DLGAP2: variants seen among roughly 807,000 people sequenced by gnomAD.
DLGAP2 encodes disks large-associated protein 2.
Under a neutral mutation model 100.3 loss-of-function variants are expected in DLGAP2, and 26 were observed. That is an observed-to-expected ratio of 0.26 (90% CI 0.19 to 0.36). DLGAP2 has a LOEUF of 0.36. Ranked by LOEUF, DLGAP2 falls within the 10% of genes least tolerant of loss-of-function variation. The pLI, the probability that DLGAP2 is intolerant of heterozygous loss-of-function variation, is 1.00. For missense variants in DLGAP2, 1,858 were observed against 1,453.2 expected, an observed-to-expected ratio of 1.28 and a Z score of -4.53; for synonymous variants, 886 against 630.1, an observed-to-expected ratio of 1.41 and a Z score of -6.08.
intron 1 of DLGAP2, among the ~76,000 whole-genome samples, chr8:746,675 T>C (rs1417877075): frequency 1.3e-5 from 2 of 152,274 alleles, no homozygotes; most frequent in Non-Finnish European, 1.5e-5. Context: ...TTTGATTTTC[T>C]GTTTTTGTTT....
Position 1,549,214 on chromosome 8 carries a change from C to G in DLGAP2, c.761C>G (p.Ala254Gly). The change falls in exon 5 of 15, where the codon GCC becomes GGC. Residue 254 changes from alanine to glycine, a missense_variant. Physicochemically the swap from Ala to Gly is moderately conservative, Grantham distance 60. Coordinates refer to ENST00000637795, the MANE Select transcript of DLGAP2 (RefSeq NM_001346810.2). The stretch of plus-strand genomic sequence containing the variant: ...CTGGAGGGCTCCTCCAAAAGCAACG[C>G]CAACGGCACCAAGGCGGACGGCCGG... ...HSLEGSSKSN[A>G]NGTKADGRAD... is the part of the protein sequence containing the mutation. The G allele has an allele frequency of 6.2e-7, 1 of 1,602,960 alleles. No homozygotes were observed. Among genetic ancestry groups the G allele is most frequent in the Non-Finnish European group, 8.5e-7 (1 of 1,175,588 alleles).
intron 2 of DLGAP2, among the ~76,000 whole-genome samples, chr8:1,191,422 A>T (rs191733949): frequency 6.6e-6 from 1 of 152,142 alleles, no homozygotes; most frequent in Admixed American, 6.5e-5. Flanking sequence ...TGCCCGCCTC[A>T]GCCTCCCAAA....
At chr8:1,299,335 C>T (rs1215685482) in intron 3 of DLGAP2, among the ~76,000 whole-genome samples, 1 of 152,230 alleles carries the variant, frequency 6.6e-6, no homozygotes, top group Non-Finnish European at 1.5e-5. Flanking sequence ...GTGGTGTCTC[C>T]ACCATACAAG....
At chr8:799,894 G>A (rs192317406) in intron 1 of DLGAP2, among the ~76,000 whole-genome samples, 1 of 152,278 alleles carries the variant, frequency 6.6e-6, no homozygotes, top group East Asian at 1.9e-4. Context: ...ACAGCTCCCG[G>A]CCCCTCACTT....
chr8:1,648,677 C>T (rs1585031275), intron 8 of DLGAP2, among the ~76,000 whole-genome samples: 1 of 152,230 alleles, frequency 6.6e-6, no homozygotes, highest in East Asian at 1.9e-4. Context: ...TGCAGCTGCT[C>T]AGAGACCCGC....
intron 6 of DLGAP2, chr8:1,620,586 G>T (rs1376037279): frequency 6.6e-6 from 1 of 152,254 alleles, no homozygotes; most frequent in Non-Finnish European, 1.5e-5. Context: ...CATAGATCTT[G>T]CCTTTGTTGG....
intron 2 of DLGAP2, among the ~76,000 whole-genome samples, chr8:921,399 G>C (rs1798711068): frequency 6.6e-6 from 1 of 151,936 alleles, no homozygotes; most frequent in Admixed American, 6.6e-5. Flanking sequence ...GTGGGGATGT[G>C]CGTCTATGGC....
chr8:781,862 T>C (rs1821696037), intron 1 of DLGAP2, among the ~76,000 whole-genome samples: 1 of 152,176 alleles, frequency 6.6e-6, no homozygotes, highest in Non-Finnish European at 1.5e-5. Flanking sequence ...TTTTTGTTTC[T>C]TTTGTGAAAA....
intron 1 of DLGAP2, among the ~76,000 whole-genome samples, chr8:906,334 C>T (rs183216556): frequency 6.6e-5 from 10 of 152,314 alleles, no homozygotes; most frequent in Admixed American, 4.6e-4. Context: ...CTGATCTCCA[C>T]GTGGGGTGTG....
intron 2 of DLGAP2, among the ~76,000 whole-genome samples, chr8:1,028,507 C>G (rs896837264): frequency 6.6e-6 from 1 of 152,192 alleles, no homozygotes; most frequent in Non-Finnish European, 1.5e-5. Context: ...GCCCGTTATT[C>G]TCCACATGCG....
chr8:905,603 G>A (rs1018581655), intron 1 of DLGAP2, among the ~76,000 whole-genome samples: 2 of 152,158 alleles, frequency 1.3e-5, no homozygotes, highest in African/African-American at 4.8e-5. Context: ...GCCTGTCCCT[G>A]ACCCTAAAGG....
At chr8:928,548 C>T (rs957999908) in intron 2 of DLGAP2, among the ~76,000 whole-genome samples, 1 of 152,010 alleles carries the variant, frequency 6.6e-6, no homozygotes, top group Non-Finnish European at 1.5e-5. Context: ...TACTTGACAC[C>T]TTGCAAAGGC....
At chr8:1,426,375 A>C (rs1797236847) in intron 3 of DLGAP2, among the ~76,000 whole-genome samples, 1 of 152,140 alleles carries the variant, frequency 6.6e-6, no homozygotes, top group East Asian at 1.9e-4. Flanking sequence ...CCACGAGAAC[A>C]TGGCCAAGGA....
intron 3 of DLGAP2, among the ~76,000 whole-genome samples, chr8:1,339,906 T>A (rs1204124823): frequency 6.6e-6 from 1 of 152,208 alleles, no homozygotes; most frequent in African/African-American, 2.4e-5. Context: ...AGACAAAATA[T>A]GTGTATATTG....
At chr8:928,219 T>C (rs1268472524) in intron 2 of DLGAP2, among the ~76,000 whole-genome samples, 2 of 152,112 alleles carry the variant, frequency 1.3e-5, no homozygotes, top group Non-Finnish European at 2.9e-5. Flanking sequence ...ATTTACGAGA[T>C]TTTCCTGGAC....
chr8:766,200 A>T (rs1391892099), intron 1 of DLGAP2, among the ~76,000 whole-genome samples: 1 of 152,144 alleles, frequency 6.6e-6, no homozygotes, highest in African/African-American at 2.4e-5. Context: ...AAACCAATCC[A>T]CACAACTCAC....
intron 4 of DLGAP2, among the ~76,000 whole-genome samples, chr8:1,508,700 C>T (rs997524729): frequency 2.0e-5 from 3 of 149,912 alleles, no homozygotes; most frequent in African/African-American, 7.4e-5. Flanking sequence ...AAATGGAATC[C>T]ACAACTGCTG....
intron 2 of DLGAP2, among the ~76,000 whole-genome samples, chr8:938,982 T>G (rs1179825569): frequency 3.9e-5 from 6 of 152,202 alleles, no homozygotes; most frequent in Non-Finnish European, 8.8e-5. Context: ...TTCAGAAACC[T>G]CTGCAGGCAA....
intron 2 of DLGAP2, among the ~76,000 whole-genome samples, chr8:945,151 T>C (rs1799288540): frequency 6.6e-6 from 1 of 152,214 alleles, no homozygotes; most frequent in South Asian, 2.1e-4. Flanking sequence ...CTAAGAACCA[T>C]GACTTTTGTT....
Sources: gnomAD v4.1 joint callset for allele counts (sites outside exome capture counted in the v4.1 genomes callset) on GRCh38, gnomAD v4.1.1 for gene constraint, MANE v1.5 for transcripts, NCBI Gene and HGNC (gene_info 2026-07-23, HGNC 2026-07-21) for gene names.